USH2A: variants seen among roughly 807,000 people sequenced by gnomAD.
The protein encoded by USH2A is Usher syndrome 2A (autosomal recessive, mild).
A neutral mutation model predicts 538.9 loss-of-function variants in USH2A; 443 were observed. The observed-to-expected ratio is 0.82, with a 90% CI of 0.76 to 0.89. The LOEUF (loss-of-function observed/expected upper bound fraction) is 0.89, where lower values mean the gene tolerates loss of function less well. Among genes scored for constraint, USH2A ranks in the 40% least tolerant of loss-of-function variants. The probability of loss-of-function intolerance (pLI) is 0.00; values close to 1 mark genes in which losing one functional copy is unlikely to be tolerated. For missense variants in USH2A, 6,633 were observed against 6,324.8 expected, an observed-to-expected ratio of 1.05 and a Z score of -1.65; for synonymous variants, 2,413 against 2,273.5, an observed-to-expected ratio of 1.06 and a Z score of -1.75.
intron 32 of USH2A, among the ~76,000 whole-genome samples, chr1:216,019,321 C>A (rs1309022100): frequency 1.3e-5 from 2 of 152,112 alleles, no homozygotes; most frequent in Non-Finnish European, 2.9e-5. Context: ...AGCTGGAGCA[C>A]AGGACATACG....
intron 37 of USH2A, among the ~76,000 whole-genome samples, chr1:215,945,160 T>C (rs913256830): frequency 5.3e-5 from 8 of 152,176 alleles, no homozygotes; most frequent in African/African-American, 1.4e-4. Context: ...TCATAAGATA[T>C]AAATTTGTTT....
chr1:215,951,608 T>G (rs1391139663), intron 37 of USH2A, among the ~76,000 whole-genome samples: 1 of 152,088 alleles, frequency 6.6e-6, no homozygotes, highest in East Asian at 1.9e-4. Flanking sequence ...CTGGATATCC[T>G]TGTTAACTTT....
intron 21 of USH2A, among the ~76,000 whole-genome samples, chr1:216,099,901 G>C (rs927180047): frequency 6.6e-6 from 1 of 152,092 alleles, no homozygotes; most frequent in Non-Finnish European, 1.5e-5. Context: ...TCTTAGAAGA[G>C]AAGACGATGC....
chr1:215,952,257 T>C (rs1376562383), intron 37 of USH2A, among the ~76,000 whole-genome samples: 1 of 152,244 alleles, frequency 6.6e-6, no homozygotes, highest in East Asian at 1.9e-4. Flanking sequence ...ATCCCTTTAT[T>C]TTGAGCCTAT....
In USH2A at chr1:216,115,237, T is replaced by A. The variant is rs561236950; in HGVS notation, c.4628-18024A>T. Reference sequence around the variant, plus strand: ...TCATTGACCTCCTGAACTCAAACAATCCTCAGCAATTCTCCCACCTCAGCC... The same window carrying A: ...TCATTGACCTCCTGAACTCAAACAAACCTCAGCAATTCTCCCACCTCAGCC... On this transcript the variant is annotated intron_variant, in intron 21 of 71. Coordinates refer to ENST00000307340, the MANE Select transcript of USH2A (RefSeq NM_206933.4). Among the ~76,000 whole-genome samples the A allele has an allele frequency of 2.4e-4, 37 of 152,214 alleles. No individual in the cohort carries two copies. The Middle Eastern group carries it at 0.014, about 56-fold the overall frequency.
At chr1:216,346,912 T>C (rs942683105) in intron 4 of USH2A, among the ~76,000 whole-genome samples, 1 of 152,036 alleles carries the variant, frequency 6.6e-6, no homozygotes, top group African/African-American at 2.4e-5. Context: ...GATTAATCGG[T>C]TTAAAAATAA....
At chr1:216,070,453 AC>A (rs1352454643) in intron 29 of USH2A, among the ~76,000 whole-genome samples, 161 bp from the exon 30 acceptor site, 2 of 152,194 alleles carry the variant, frequency 1.3e-5, no homozygotes, top group African/African-American at 4.8e-5. Context: ...ATATGACTGC[AC>A]ATCTTGAGCC....
At chr1:216,256,565 T>C (rs559912447) in intron 11 of USH2A, among the ~76,000 whole-genome samples, 1 of 152,112 alleles carries the variant, frequency 6.6e-6, no homozygotes, top group African/African-American at 2.4e-5. Flanking sequence ...TATAAAAGAA[T>C]CTTCTTCCAC....
intron 30 of USH2A, among the ~76,000 whole-genome samples, chr1:216,054,537 T>C (rs1034340776): frequency 2.6e-5 from 4 of 152,156 alleles, no homozygotes; most frequent in African/African-American, 9.6e-5. Context: ...CAAGTATAAA[T>C]GCTCTGCCTG....
At chr1:216,385,352 A>G (rs2038987925) in intron 3 of USH2A, among the ~76,000 whole-genome samples, 2 of 152,200 alleles carry the variant, frequency 1.3e-5, no homozygotes, top group Admixed American at 6.5e-5. Context: ...AAGAGCTTGA[A>G]AGTCTAAAGA....
intron 59 of USH2A, 116 bp downstream of exon 59, chr1:215,743,061 A>G: frequency 7.7e-7 from 1 of 1,290,896 alleles, no homozygotes; most frequent in East Asian, 2.6e-5. Context: ...CACTACAAAT[A>G]AGAAGTGAAA....
At chr1:216,209,499 A>G (rs569721759) in intron 15 of USH2A, among the ~76,000 whole-genome samples, 1 of 152,352 alleles carries the variant, frequency 6.6e-6, no homozygotes, top group South Asian at 2.1e-4. Flanking sequence ...CTTCCACCCC[A>G]GAGCTATTGC....
intron 15 of USH2A, among the ~76,000 whole-genome samples, chr1:216,210,342 G>A (rs1295526260): frequency 6.6e-6 from 1 of 152,004 alleles, no homozygotes; most frequent in East Asian, 1.9e-4. Flanking sequence ...GAATGCTGAG[G>A]GCAGTCATGA....
rs11803129 is a variant in USH2A, at chr1:215,722,420, G to A, written c.12066+5610C>T. ...TATGTAAAGAGCAGTAATATTTTAT[G>A]TTATCTAAGCCAAAATGAAAATGGG... On this transcript the variant is annotated intron_variant, in intron 61 of 71. Coordinates refer to ENST00000307340, the MANE Select transcript of USH2A (RefSeq NM_206933.4). Among the ~76,000 whole-genome samples the A allele has an allele frequency of 7.5e-3, 1,146 of 152,216 alleles. 17 individuals are homozygous for A. Among genetic ancestry groups the A allele is most frequent in the African/African-American group, 0.026 (1,088 of 41,524 alleles).
chr1:215,979,314 A>G (rs1327087568), intron 35 of USH2A, among the ~76,000 whole-genome samples: 1 of 152,194 alleles, frequency 6.6e-6, no homozygotes, highest in Non-Finnish European at 1.5e-5. Context: ...GGGTGGGGAC[A>G]CAGAGCCAAA....
intron 32 of USH2A, among the ~76,000 whole-genome samples, chr1:216,033,894 A>G (rs1262302678): frequency 1.3e-5 from 2 of 152,192 alleles, no homozygotes; most frequent in Non-Finnish European, 2.9e-5. Context: ...GAGTAATCAA[A>G]GATTAATGCT....
At chr1:215,775,477 T>C (rs1432490202) in intron 55 of USH2A, among the ~76,000 whole-genome samples, 1 of 152,304 alleles carries the variant, frequency 6.6e-6, no homozygotes, top group Admixed American at 6.5e-5. Context: ...ATATATTAAG[T>C]ACTGTGATAG....
Position 215,674,631 on chromosome 1 carries a change from C to G in USH2A, c.13280G>C (p.Gly4427Ala). 6.2e-7 allele frequency: 1 copy of G among 1,614,162 alleles called. No individual in the cohort carries two copies. The highest frequency in any genetic ancestry group is 1.1e-5 in the South Asian group (1 of 91,076). The change falls in exon 63 of 72, where the codon GGA becomes GCA. Residue 4427 changes from glycine to alanine, a missense_variant. Coordinates refer to ENST00000307340, the MANE Select transcript of USH2A (RefSeq NM_206933.4). The stretch of plus-strand genomic sequence containing the variant: ...TTTTGACACACTAGCTGTGCAACCT[C>G]CATTCGTGCAGGCTACAAGGGAGAA... ...YNFSLVACTN[G>A]GCTASVSKSA... is the part of the protein sequence containing the mutation.
At chr1:216,283,971 T>A (rs2036834316) in intron 11 of USH2A, among the ~76,000 whole-genome samples, 1 of 152,130 alleles carries the variant, frequency 6.6e-6, no homozygotes, top group Non-Finnish European at 1.5e-5. Context: ...AAGTTTTTCT[T>A]CAAAATGTCT....
Sources: allele counts gnomAD v4.1 joint callset (sites outside exome capture counted in the v4.1 genomes callset), GRCh38; gene constraint gnomAD v4.1.1; transcripts MANE v1.5; gene names NCBI Gene and HGNC (gene_info 2026-07-23, HGNC 2026-07-21).